ATXN10: variants seen among roughly 807,000 people sequenced by gnomAD.
The protein encoded by ATXN10 is ataxin-10.
ATXN10 carries 28 observed loss-of-function variants against 52.9 expected under a neutral mutation model. The ratio of observed to expected loss-of-function variants is 0.53; its 90% confidence interval spans 0.39 to 0.73. The LOEUF (loss-of-function observed/expected upper bound fraction) is 0.73, where lower values mean the gene tolerates loss of function less well. Ranked by LOEUF, ATXN10 falls within the 30% of genes least tolerant of loss-of-function variation. The pLI is 0.00. For synonymous variants in ATXN10, 226 were observed against 221.5 expected, an observed-to-expected ratio of 1.02 and a Z score of -0.18; for missense variants, 565 against 577.0, an observed-to-expected ratio of 0.98 and a Z score of 0.21.
intron 3 of ATXN10, among the ~76,000 whole-genome samples, chr22:45,695,928 T>C (rs1440520336): frequency 6.6e-6 from 1 of 152,224 alleles, no homozygotes; most frequent in African/African-American, 2.4e-5. Flanking sequence ...TTGGTTTAAT[T>C]TCTGTGATTT....
At chr22:45,698,597 C>T (rs1229499263) in intron 3 of ATXN10, among the ~76,000 whole-genome samples, 1 of 152,154 alleles carries the variant, frequency 6.6e-6, no homozygotes, top group Non-Finnish European at 1.5e-5. Context: ...GAATATGGAA[C>T]ATCTCTCTAT....
chr22:45,746,060 T>A (rs1258984933), intron 9 of ATXN10, among the ~76,000 whole-genome samples: 7 of 152,100 alleles, frequency 4.6e-5, no homozygotes, highest in Non-Finnish European at 7.4e-5. Context: ...TCATATATAT[T>A]TTAGATTATA....
rs1446536199 is a variant in ATXN10 at position 45,693,002 on chromosome 22, G to A, written c.315G>A (p.Leu105=). 4 of 1,614,012 alleles carry A rather than the reference G, an allele frequency of 2.5e-6. No homozygotes were observed. In the Admixed American group the frequency reaches 5.0e-5, roughly 20 times the overall value. The stretch of plus-strand genomic sequence containing the variant: ...TCTTTTTTAAAAAACCCAGGAACTT[G>A]GATACGATTGGTGTTGCTGTTGATT... ...CSVNQNSIRN[L]DTIGVAVDLI... Residue 105 remains leucine, a synonymous_variant, in exon 3 of 12, where the codon TTG becomes TTA. Coordinates refer to ENST00000252934, the MANE Select transcript of ATXN10 (RefSeq NM_013236.4).
At chr22:45,796,316 G>A (rs1190760937) in intron 9 of ATXN10, among the ~76,000 whole-genome samples, 1 of 152,332 alleles carries the variant, frequency 6.6e-6, no homozygotes, top group African/African-American at 2.4e-5. Context: ...CTGTTAAGAT[G>A]TTTATCAATG....
Position 45,837,757 on chromosome 22 carries a change from T to A in ATXN10, c.1238-5234T>A, listed in dbSNP as rs1929215442. 6.6e-6 allele frequency among the ~76,000 whole-genome samples: 1 copy of A among 152,254 alleles called. No homozygotes were observed. The highest frequency in any genetic ancestry group is 2.4e-5 in the African/African-American group (1 of 41,460). On this transcript the variant is annotated intron_variant, in intron 10 of 11. Transcript: ENST00000252934. This position sits in a 1 kb window ranked among gnomAD's most constrained non-coding sequence, Gnocchi z 5.8. Reference sequence around the variant, plus strand: ...CACAGGCAAGTGATGGGCATGGCTGTGTGCCGTAGAACCTTGTTTACGGAT... The same window carrying A: ...CACAGGCAAGTGATGGGCATGGCTGAGTGCCGTAGAACCTTGTTTACGGAT...
In ATXN10 at chr22:45,744,081, T is replaced by G. The variant is rs545105567; in HGVS notation, c.1173+3543T>G. On this transcript the variant is annotated intron_variant, in intron 9 of 11. Transcript: ENST00000252934. The surrounding 1 kb of genome is among the most constrained non-coding windows in gnomAD (Gnocchi z 4.9). ...GGGTCCTCTTATCCTTGTTTCTGAT[T>G]CACCCATTCATCAAATACGAATGTT... Among the ~76,000 whole-genome samples the G allele has an allele frequency of 6.6e-6, 1 of 152,146 alleles. No individual in the cohort carries two copies. The highest frequency in any genetic ancestry group is 2.4e-5 in the African/African-American group (1 of 41,434).
intron 9 of ATXN10, among the ~76,000 whole-genome samples, chr22:45,801,910 G>GT (rs1422794668): frequency 6.6e-6 from 1 of 152,202 alleles, no homozygotes; most frequent in African/African-American, 2.4e-5. Flanking sequence ...CACCTGGGAG[G>GT]TGGGTATGGC....
At chr22:45,697,775 C>T (rs151107816) in intron 3 of ATXN10, among the ~76,000 whole-genome samples, 3 of 152,142 alleles carry the variant, frequency 2.0e-5, no homozygotes, top group Non-Finnish European at 2.9e-5. Flanking sequence ...GGACTACAGG[C>T]GCCCGCCACC....
At chr22:45,741,800 T>C (rs1925547049) in intron 9 of ATXN10, among the ~76,000 whole-genome samples, 1 of 152,196 alleles carries the variant, frequency 6.6e-6, no homozygotes, top group African/African-American at 2.4e-5. Context: ...AAAATAGCCA[T>C]GTGAAGACAC....
chr22:45,797,062 C>G (rs9614781), intron 9 of ATXN10, among the ~76,000 whole-genome samples: 7,152 of 152,202 alleles, frequency 0.047, 203 homozygotes, highest in Non-Finnish European at 0.06. Flanking sequence ...TTGCTAATAG[C>G]AGAATTTCAA....
At chr22:45,836,390 C>T (rs1365686989) in intron 10 of ATXN10, among the ~76,000 whole-genome samples, 1 of 152,260 alleles carries the variant, frequency 6.6e-6, no homozygotes, top group Admixed American at 6.5e-5. Context: ...TGTCCCAGGA[C>T]CTCCATCTTG....
At chr22:45,797,583 G>A (rs1317267247) in intron 9 of ATXN10, among the ~76,000 whole-genome samples, 1 of 152,118 alleles carries the variant, frequency 6.6e-6, no homozygotes, top group African/African-American at 2.4e-5. Context: ...AAATACATGA[G>A]AAAACAAGAC....
chr22:45,843,261 C>G lies in ATXN10; in HGVS notation c.1425+83C>G, dbSNP rs767429125. The G allele has an allele frequency of 1.5e-5, 21 of 1,436,290 alleles. No individual in the cohort carries two copies. Among genetic ancestry groups the G allele is most frequent in the Non-Finnish European group, 2.0e-5 (21 of 1,025,082 alleles). The allele number at this position is 1,436,290 out of a possible 1,614,324, so 89.0% of individuals were successfully genotyped here. ...TCCCCATTGCTTCAAGCACGAGGCT[C>G]TTTGTAAGAATATGGATGGGAGAAT... is the stretch of plus-strand genomic sequence containing the variant. On this transcript the variant is annotated intron_variant, in intron 11 of 11. Transcript: ENST00000252934. This position sits in a 1 kb window ranked among gnomAD's most constrained non-coding sequence, Gnocchi z 4.5.
At position 45,789,125 on chromosome 22, in the gene ATXN10, C is replaced by T. The variant is rs1000694036; in HGVS notation, c.1174-17834C>T. ...AGTGCTTCTTCAGACTGTATCAGCACATCTTCATGAGCTGAAAGGCTCACC... is the reference window on the plus strand; with the variant it reads ...AGTGCTTCTTCAGACTGTATCAGCATATCTTCATGAGCTGAAAGGCTCACC... On this transcript the variant is annotated intron_variant, in intron 9 of 11. Coordinates refer to ENST00000252934, the MANE Select transcript of ATXN10 (RefSeq NM_013236.4). The surrounding 1 kb of genome is among the most constrained non-coding windows in gnomAD (Gnocchi z 4.0). Among the ~76,000 whole-genome samples, 10 of 152,200 alleles carry T rather than the reference C, an allele frequency of 6.6e-5. No individual in the cohort carries two copies. The highest frequency in any genetic ancestry group is 2.2e-4 in the African/African-American group (9 of 41,438).
Position 45,844,696 on chromosome 22 carries a change from G to A in ATXN10, c.*1025G>A, listed in dbSNP as rs991933346. ...AACAAAAGCTCTAGGGGGAGGTCAC[G>A]TTGTGAATGCTTAAAACATATTATT... is the stretch of plus-strand genomic sequence containing the variant. On this transcript the variant is annotated 3_prime_UTR_variant, in exon 12 of 12. Coordinates refer to ENST00000252934, the MANE Select transcript of ATXN10 (RefSeq NM_013236.4). 5.3e-5 allele frequency: 8 copies of A among 152,192 alleles called. No homozygotes were observed. Among genetic ancestry groups the A allele is most frequent in the Non-Finnish European group, 7.3e-5 (5 of 68,036 alleles). The allele number at this position is 152,192 out of a possible 1,614,324, so 9.4% of individuals were successfully genotyped here. A position where few individuals can be genotyped will look rare whatever the true frequency, so the allele number is the denominator to read the frequency against.
At chr22:45,829,760 G>T (rs529501247) in intron 10 of ATXN10, among the ~76,000 whole-genome samples, 70 of 152,288 alleles carry the variant, frequency 4.6e-4, no homozygotes, top group South Asian at 4.3e-3. Context: ...GCATGTTCAT[G>T]TGTTGAAAAA....
chr22:45,738,690 C>T, intron 7 of ATXN10, 41 bp from the exon 8 acceptor site: 1 of 1,489,058 alleles, frequency 6.7e-7, no homozygotes, highest in Non-Finnish European at 9.3e-7. Flanking sequence ...AATAATTTCT[C>T]TTAAAATATG....
intron 9 of ATXN10, among the ~76,000 whole-genome samples, chr22:45,745,407 TA>T (rs755461735): frequency 1.3e-5 from 2 of 152,198 alleles, no homozygotes; most frequent in Non-Finnish European, 2.9e-5. Flanking sequence ...TGCTAAAGGT[TA>T]TGGAACTGCT....
intron 10 of ATXN10, among the ~76,000 whole-genome samples, chr22:45,838,067 C>G (rs1056354329): frequency 5.3e-5 from 8 of 152,198 alleles, no homozygotes; most frequent in Non-Finnish European, 1.2e-4. Context: ...TCTGTCTCAT[C>G]AGACAATTCC....
Sources: gnomAD v4.1 joint callset for allele counts (sites outside exome capture counted in the v4.1 genomes callset) on GRCh38, gnomAD v4.1.1 for gene constraint, Gnocchi (gnomAD v3.1) non-coding constraint, MANE v1.5 for transcripts, NCBI Gene and HGNC (gene_info 2026-07-23, HGNC 2026-07-21) for gene names.